Variants in MARCHF1 observed in about 807,000 individuals in gnomAD.
The protein encoded by MARCHF1 is E3 ubiquitin-protein ligase MARCHF1.
MARCHF1 carries 40 observed loss-of-function variants against 54.2 expected under a neutral mutation model. The ratio of observed to expected loss-of-function variants is 0.74; its 90% CI spans 0.57 to 0.96. The LOEUF (loss-of-function observed/expected upper bound fraction) is 0.96. Among genes scored for constraint, MARCHF1 ranks in the 40% least tolerant of loss-of-function variants. MARCHF1 has a pLI of 0.00. For synonymous variants in MARCHF1, 236 were observed against 236.3 expected (o/e 1.00, Z 0.01); for missense variants, 586 against 656.5 (o/e 0.89, Z 1.17).
rs115358620 is a variant in MARCHF1, at chr4:163,810,371, C to T, written c.111+43650G>A. Among the ~76,000 whole-genome samples the T allele has an allele frequency of 5.4e-3, 823 of 152,248 alleles. 5 individuals are homozygous for T. The highest frequency in any genetic ancestry group is 8.6e-3 in the Non-Finnish European group (588 of 68,000). ...TTAGAATGGCCAACAACATTCATAA[C>T]TTTCCCATGATGTTTGTTTTTACCT... On this transcript the variant is annotated intron_variant, in intron 4 of 9. Coordinates refer to ENST00000514618, the MANE Select transcript of MARCHF1 (RefSeq NM_001394959.1).
intron 5 of MARCHF1, among the ~76,000 whole-genome samples, chr4:163,649,172 A>G (rs1742874446): frequency 6.6e-6 from 1 of 152,004 alleles, no homozygotes; most frequent in African/African-American, 2.4e-5. Context: ...TTTGAGCACA[A>G]TATGCTCCAT....
At chr4:163,818,837 T>G (rs553596959) in intron 4 of MARCHF1, among the ~76,000 whole-genome samples, 1 of 152,236 alleles carries the variant, frequency 6.6e-6, no homozygotes, top group African/African-American at 2.4e-5. Flanking sequence ...GAGTTTGCTC[T>G]CCTTTAAAGT....
chr4:163,945,367 T>C (rs546298850), intron 3 of MARCHF1, among the ~76,000 whole-genome samples: 2 of 152,336 alleles, frequency 1.3e-5, no homozygotes, highest in African/African-American at 4.8e-5. Flanking sequence ...GTGAGATATT[T>C]GATAATAAGC....
chr4:163,631,092 G>T (rs1322929083), intron 5 of MARCHF1, among the ~76,000 whole-genome samples: 7 of 152,046 alleles, frequency 4.6e-5, no homozygotes, highest in African/African-American at 1.7e-4. Flanking sequence ...TTGCTAAGTT[G>T]GTTTTCAAAG....
chr4:164,350,719 T>C (rs1730266484), intron 1 of MARCHF1, among the ~76,000 whole-genome samples: 1 of 152,224 alleles, frequency 6.6e-6, no homozygotes, highest in Non-Finnish European at 1.5e-5. Context: ...CCTTTCCTTA[T>C]TTAGGAGAAG....
chr4:164,108,685 TATA>T (rs1346064333), intron 2 of MARCHF1, among the ~76,000 whole-genome samples: 5 of 152,012 alleles, frequency 3.3e-5, no homozygotes, highest in African/African-American at 4.8e-5. Context: ...CTTGGAAAAA[TATA>T]ATGTTAATTT....
At chr4:164,137,873 TAGC>T (rs1308364642) in intron 1 of MARCHF1, among the ~76,000 whole-genome samples, 1 of 152,202 alleles carries the variant, frequency 6.6e-6, no homozygotes, top group East Asian at 1.9e-4. Flanking sequence ...GAAGAACTGA[TAGC>T]AGCAGATTTA....
At position 163,661,264 on chromosome 4, in the gene MARCHF1, A is replaced by G. The variant is rs556899673; in HGVS notation, c.162+39549T>C. Among the ~76,000 whole-genome samples the G allele has an allele frequency of 3.9e-5, 6 of 152,096 alleles. No individual in the cohort carries two copies. In the East Asian group the frequency reaches 1.2e-3, roughly 30 times the overall value. On this transcript the variant is annotated intron_variant, in intron 5 of 9. Coordinates refer to ENST00000514618, the MANE Select transcript of MARCHF1 (RefSeq NM_001394959.1). The stretch of plus-strand genomic sequence containing the variant: ...TTTTCTATGATCTTCCCTGAAATTC[A>G]TCCCTCATCTTGCTAGAAGTTATAT...
intron 1 of MARCHF1, among the ~76,000 whole-genome samples, chr4:164,343,826 C>T (rs1350136609): frequency 6.6e-6 from 1 of 152,050 alleles, no homozygotes; most frequent in Non-Finnish European, 1.5e-5. Context: ...GGTGATTTCT[C>T]AAAGAACTCA....
intron 1 of MARCHF1, among the ~76,000 whole-genome samples, chr4:164,360,232 A>G (rs1490776942): frequency 1.3e-5 from 2 of 152,134 alleles, no homozygotes; most frequent in Non-Finnish European, 2.9e-5. Flanking sequence ...AAGAAAAAAA[A>G]ATCCAGATTT....
chr4:163,599,109 G>A (rs1339150608), intron 7 of MARCHF1, among the ~76,000 whole-genome samples: 2 of 151,816 alleles, frequency 1.3e-5, no homozygotes, highest in South Asian at 2.1e-4. Flanking sequence ...CCAACATGAC[G>A]AAACCCCGTC....
At chr4:163,832,454 A>G (rs1394220532) in intron 4 of MARCHF1, among the ~76,000 whole-genome samples, 3 of 152,168 alleles carry the variant, frequency 2.0e-5, no homozygotes, top group Admixed American at 6.5e-5. Flanking sequence ...GGACAGTGAC[A>G]TGACAAATTA....
At chr4:164,048,630 G>T (rs759074377) in intron 2 of MARCHF1, among the ~76,000 whole-genome samples, 8 of 152,076 alleles carry the variant, frequency 5.3e-5, no homozygotes, top group Non-Finnish European at 1.0e-4. Context: ...TGTTTCCAAA[G>T]TTGATACACT....
chr4:164,313,630 A>G (rs1291182297), intron 1 of MARCHF1, among the ~76,000 whole-genome samples: 1 of 152,128 alleles, frequency 6.6e-6, no homozygotes, highest in Non-Finnish European at 1.5e-5. Flanking sequence ...CTAAATAACA[A>G]TATTAGCAGT....
At position 164,073,808 on chromosome 4, in the gene MARCHF1, GGTTTT is replaced by G. The variant is rs556288680; in HGVS notation, c.-248+37775_-248+37779del. ...TTTTTTTGTTGCTGTTATTTTGTTG[GGTTTT>G]GTTTTGTTTTTGAGACAGTCTCGCT... is the stretch of plus-strand genomic sequence containing the variant. On this transcript the variant is annotated intron_variant, in intron 2 of 9. Coordinates refer to ENST00000514618, the MANE Select transcript of MARCHF1 (RefSeq NM_001394959.1). Among the ~76,000 whole-genome samples, 482 of 151,742 alleles carry G rather than the reference GGTTTT, an allele frequency of 3.2e-3. 2 individuals are homozygous for G. The highest frequency in any genetic ancestry group is 0.011 in the African/African-American group (452 of 41,408).
intron 1 of MARCHF1, among the ~76,000 whole-genome samples, chr4:164,124,681 G>A (rs908816307): frequency 2.6e-5 from 4 of 152,044 alleles, no homozygotes; most frequent in African/African-American, 9.7e-5. Context: ...GGCACAAAAA[G>A]GCAAACATTG....
chr4:163,960,581 C>T (rs1752326486), intron 3 of MARCHF1, among the ~76,000 whole-genome samples: 1 of 151,858 alleles, frequency 6.6e-6, no homozygotes, highest in Non-Finnish European at 1.5e-5. Context: ...TGCATATCTT[C>T]ACTTGTAAGT....
At chr4:164,242,762 C>T (rs6828473) in intron 1 of MARCHF1, among the ~76,000 whole-genome samples, 7,686 of 152,098 alleles carry the variant, frequency 0.051, 251 homozygotes, top group Middle Eastern at 0.11. Context: ...ACTAGAATAA[C>T]CAATACAGAC....
At chr4:164,365,555 G>C (rs1054873453) in intron 1 of MARCHF1, among the ~76,000 whole-genome samples, 1 of 151,988 alleles carries the variant, frequency 6.6e-6, no homozygotes, top group African/African-American at 2.4e-5. Flanking sequence ...ATTATAATAA[G>C]AGCAGTTAAC....
Sources: gnomAD v4.1 joint callset for allele counts (sites outside exome capture counted in the v4.1 genomes callset) on GRCh38, gnomAD v4.1.1 for gene constraint, MANE v1.5 for transcripts, NCBI Gene and HGNC (gene_info 2026-07-23, HGNC 2026-07-21) for gene names.